Variants in PDE4DIP observed in about 807,000 individuals in gnomAD.
PDE4DIP encodes the protein myomegalin.
In PDE4DIP, 59 loss-of-function variants were observed where a neutral mutation model predicts 221.4. That is an observed-to-expected ratio of 0.27 (90% CI 0.22 to 0.33). The LOEUF is 0.33. Among genes scored for constraint, PDE4DIP ranks in the 10% least tolerant of loss-of-function variants. PDE4DIP has a pLI of 1.00. For synonymous variants in PDE4DIP, 404 were observed against 815.9 expected (o/e 0.50, Z 8.60); for missense variants, 1,036 against 2,154.2 (o/e 0.48, Z 10.28).
intron 1 of PDE4DIP, among the ~76,000 whole-genome samples, chr1:148,919,236 G>A (rs2044842463): frequency 6.6e-6 from 1 of 150,600 alleles, no homozygotes; most frequent in African/African-American, 2.5e-5. Flanking sequence ...TCTCACATAA[G>A]CGTAAAAGAT....
chr1:149,032,267 T>C (rs2076938087), exon 44 of PDE4DIP: 1 of 601,844 alleles, frequency 1.7e-6, no homozygotes, highest in Non-Finnish European at 3.0e-6. Context: ...GCACAGAAGG[T>C]TTTGTGATCC....
At chr1:148,867,629 CAG>C (rs1433275403) in intron 2 of PDE4DIP, among the ~76,000 whole-genome samples, 1 of 141,136 alleles carries the variant, frequency 7.1e-6, no homozygotes, top group Non-Finnish European at 1.5e-5. Flanking sequence ...TGACTTAAAA[CAG>C]GGGTCAGCAG....
intron 5 of PDE4DIP, among the ~76,000 whole-genome samples, chr1:148,949,039 T>G (rs1295093952): frequency 6.6e-6 from 1 of 152,244 alleles, no homozygotes; most frequent in African/African-American, 2.4e-5. Context: ...GTTTTCAAGA[T>G]GTATCCACGT....
intron 9 of PDE4DIP, among the ~76,000 whole-genome samples, chr1:148,963,368 T>G (rs587757102): frequency 2.0e-5 from 3 of 152,206 alleles, no homozygotes; most frequent in Non-Finnish European, 4.4e-5. Context: ...CCGTATTGAG[T>G]TGTACCCTGG....
At chr1:148,969,868 G>A (rs2058878856) in intron 14 of PDE4DIP, among the ~76,000 whole-genome samples, 2 of 151,920 alleles carry the variant, frequency 1.3e-5, no homozygotes, top group Admixed American at 6.6e-5. Context: ...CACCATGCCC[G>A]CTAAGTTTTG....
intron 4 of PDE4DIP, chr1:148,932,863 A>G (rs1232583305): frequency 8.3e-6 from 2 of 240,634 alleles, no homozygotes; most frequent in East Asian, 1.7e-4. Context: ...TGATTAAATC[A>G]TAGACATTGG....
At chr1:148,945,117 A>G (rs1332100641) in intron 5 of PDE4DIP, among the ~76,000 whole-genome samples, 3 of 149,812 alleles carry the variant, frequency 2.0e-5, no homozygotes, top group African/African-American at 7.3e-5. Flanking sequence ...AAACAAATAT[A>G]TAACTTCAAA....
chr1:148,977,809 A>T, intron 17 of PDE4DIP, 128 bp from the exon 21 acceptor site: 4 of 1,383,368 alleles, frequency 2.9e-6, no homozygotes, highest in Non-Finnish European at 3.9e-6. Flanking sequence ...TATTGGTTTG[A>T]TGCTGTAGAG....
At chr1:148,963,045 A>G (rs2057314680) in intron 9 of PDE4DIP, among the ~76,000 whole-genome samples, 1 of 151,954 alleles carries the variant, frequency 6.6e-6, no homozygotes, top group Admixed American at 6.6e-5. Context: ...GGCGCCCGCC[A>G]CCATGCCTGG....
intron 14 of PDE4DIP, among the ~76,000 whole-genome samples, chr1:148,971,820 TA>T (rs2059275123): frequency 6.7e-6 from 1 of 149,778 alleles, no homozygotes; most frequent in Admixed American, 6.7e-5. Context: ...AATCCACCCC[TA>T]AGAAGCAACT....
chr1:148,929,266 A>G, exon 2 of PDE4DIP: 1 of 1,610,378 alleles, frequency 6.2e-7, no homozygotes, highest in South Asian at 1.1e-5. Flanking sequence ...GCATCTGGAT[A>G]AAACATGGTA....
chr1:148,955,782 A>G (rs1186040375), intron 5 of PDE4DIP, among the ~76,000 whole-genome samples: 4 of 152,114 alleles, frequency 2.6e-5, no homozygotes, highest in African/African-American at 9.7e-5. Flanking sequence ...TTACTTCACT[A>G]AATTTGGACA....
intron 42 of PDE4DIP, 109 bp downstream of exon 45, chr1:149,030,034 G>C (rs1276656075): frequency 6.5e-5 from 51 of 782,226 alleles, no homozygotes; most frequent in Non-Finnish European, 9.2e-5. Flanking sequence ...TGGGAGTTGA[G>C]ACTGATTTGA....
At chr1:148,999,402 C>T in intron 23 of PDE4DIP, among the ~76,000 whole-genome samples, 1 of 152,166 alleles carries the variant, frequency 6.6e-6, no homozygotes, top group Non-Finnish European at 1.5e-5. Context: ...GAAAAGGGCC[C>T]AGGCATCTAG....
chr1:148,954,727 G>A (rs2054722149), intron 5 of PDE4DIP, among the ~76,000 whole-genome samples: 1 of 151,910 alleles, frequency 6.6e-6, no homozygotes, highest in Admixed American at 6.6e-5. Context: ...AATTGATTCT[G>A]TACCAACCTT....
At chr1:148,979,118 A>G (rs1398599408) in intron 19 of PDE4DIP, among the ~76,000 whole-genome samples, 10 of 151,760 alleles carry the variant, frequency 6.6e-5, no homozygotes, top group East Asian at 1.9e-4. Flanking sequence ...CCTTTCTTCA[A>G]TGCCAGACTT....
At chr1:149,009,596 A>G (rs1447320788) in exon 30 of PDE4DIP, 1 of 1,612,412 alleles carries the variant, frequency 6.2e-7, no homozygotes, top group African/African-American at 1.3e-5. Flanking sequence ...GGAGAAGGAG[A>G]AAGTGATTGA....
chr1:148,892,185 G>A (rs1245284430), intron 1 of PDE4DIP, among the ~76,000 whole-genome samples: 1 of 120,216 alleles, frequency 8.3e-6, no homozygotes, highest in Non-Finnish European at 1.7e-5. Flanking sequence ...AATAGAGGCG[G>A]GGTTTTACCA....
chr1:148,961,141 C>A (rs1553509415), intron 6 of PDE4DIP, among the ~76,000 whole-genome samples: 1 of 152,040 alleles, frequency 6.6e-6, no homozygotes, highest in African/African-American at 2.4e-5. Context: ...CCTGTCTCTA[C>A]TAAAAAATAA....
Sources: gnomAD v4.1 joint callset for allele counts (sites outside exome capture counted in the v4.1 genomes callset) on GRCh38, gnomAD v4.1.1 for gene constraint, MANE v1.5 for transcripts, NCBI Gene and HGNC (gene_info 2026-07-23, HGNC 2026-07-21) for gene names.